NASP: variants seen among roughly 807,000 people sequenced by gnomAD.
NASP encodes NASP histone chaperone.
NASP carries 24 observed loss-of-function variants against 89.5 expected under a neutral mutation model. The observed-to-expected ratio is 0.27, with a 90% CI of 0.19 to 0.38. The LOEUF (loss-of-function observed/expected upper bound fraction) is 0.38, where lower values mean the gene tolerates loss of function less well. NASP is among the 10% of genes least tolerant of loss of function. The pLI is 1.00. For missense variants in NASP, 848 were observed against 921.4 expected (o/e 0.92, Z 1.03); for synonymous variants, 306 against 324.7 (o/e 0.94, Z 0.62).
At chr1:45,613,145 A>G (rs928533187) in intron 6 of NASP, 24 bp from the exon 7 acceptor site, 10 of 1,597,186 alleles carry the variant, frequency 6.3e-6, no homozygotes, top group Non-Finnish European at 8.5e-6. Context: ...TATATTCTCA[A>G]TACTGAGGAA....
At chr1:45,584,473 C>T (rs527714438) in intron 1 of NASP, among the ~76,000 whole-genome samples, 14 of 152,316 alleles carry the variant, frequency 9.2e-5, no homozygotes, top group African/African-American at 3.4e-4. Context: ...GTATCCTTCG[C>T]CTGCCCCTCT....
intron 11 of NASP, 95 bp downstream of exon 11, chr1:45,615,566 G>C (rs576884957): frequency 1.7e-6 from 2 of 1,169,594 alleles, no homozygotes; most frequent in South Asian, 1.5e-5. Flanking sequence ...TTGGTTTCCA[G>C]GGAGTTGGTG....
At chr1:45,600,870 T>G (rs1310676489) in intron 2 of NASP, among the ~76,000 whole-genome samples, 3 of 152,254 alleles carry the variant, frequency 2.0e-5, no homozygotes, top group Non-Finnish European at 4.4e-5. Context: ...TTTTAAAATT[T>G]TAGCTATTAT....
At position 45,602,242 on chromosome 1, in the gene NASP, CT is replaced by C. The variant is rs759616415; in HGVS notation, c.108-5del. The C allele has an allele frequency of 1.7e-5, 27 of 1,603,078 alleles. No individual in the cohort carries two copies. Among genetic ancestry groups the C allele is most frequent in the Admixed American group, 7.0e-5 (4 of 57,324 alleles). ...AACAGTACTTGACACTAGAAAAAAT[CT>C]TTTTTTTGCAGTCTGGATGTGGATA... is the stretch of plus-strand genomic sequence containing the variant. On this transcript the variant is annotated splice_polypyrimidine_tract_variant and intron_variant, in intron 2 of 14. Coordinates refer to ENST00000350030, the MANE Select transcript of NASP (RefSeq NM_002482.4).
At position 45,608,250 on chromosome 1, in the gene NASP, G is replaced by A; in HGVS notation, c.1339G>A (p.Ala447Thr). ...DGVDTKVAQG[A>T]TEKSPEDKVQ... ...GGTTGATACCAAGGTAGCCCAGGGA[G>A]CTACTGAGAAATCACCTGAAGACAA... The change falls in exon 6 of 15, where the codon GCT becomes ACT. Residue 447 changes from alanine (A) to threonine (T), a missense_variant. Physicochemically the swap from Ala to Thr is moderately conservative, Grantham distance 58. Coordinates refer to ENST00000350030, the MANE Select transcript of NASP (RefSeq NM_002482.4). 3 of 1,614,052 alleles carry A rather than the reference G, an allele frequency of 1.9e-6. No homozygotes were observed. In the South Asian group the frequency reaches 3.3e-5, roughly 18 times the overall value.
chr1:45,590,549 CAA>C (rs1036511604), intron 1 of NASP, among the ~76,000 whole-genome samples: 8 of 58,972 alleles, frequency 1.4e-4, no homozygotes, highest in Admixed American at 1.7e-4. Flanking sequence ...GACTCTGTCT[CAA>C]AAAAAAAAAA....
intron 6 of NASP, chr1:45,609,532 A>G (rs1643966807): frequency 6.6e-6 from 1 of 152,220 alleles, no homozygotes; most frequent in South Asian, 2.1e-4. Flanking sequence ...ACACAAAAAA[A>G]CAAAACTCCC....
At position 45,611,310 on chromosome 1, in the gene NASP, T is replaced by C. The variant is rs540571201; in HGVS notation, c.1427-1859T>C. 3.3e-5 allele frequency: 5 copies of C among 152,330 alleles called. No homozygotes were observed. In the East Asian group the frequency reaches 9.6e-4, roughly 29 times the overall value. 9.4% of individuals were successfully genotyped at this position (152,330 alleles called of 1,614,324 possible). ...AACCTCTAATTTGAAACAAAATATC[T>C]TAATTACTTGGAAGTTTTACATCAA... is the stretch of plus-strand genomic sequence containing the variant. On this transcript the variant is annotated intron_variant, in intron 6 of 14. Coordinates refer to ENST00000350030, the MANE Select transcript of NASP (RefSeq NM_002482.4).
chr1:45,602,456 A>G, intron 3 of NASP, 91 bp downstream of exon 3: 5 of 1,243,144 alleles, frequency 4.0e-6, no homozygotes, highest in Non-Finnish European at 5.6e-6. Context: ...AAGCATGAAG[A>G]GCAAGAGTTT....
intron 12 of NASP, 66 bp from the exon 13 acceptor site, chr1:45,616,560 T>C: frequency 6.4e-7 from 1 of 1,561,730 alleles, no homozygotes; most frequent in South Asian, 1.1e-5. Flanking sequence ...AACTAAAAAA[T>C]TATAAAAGCC....
intron 7 of NASP, 118 bp downstream of exon 7, chr1:45,613,366 A>C (rs1644049401): frequency 8.4e-6 from 10 of 1,188,986 alleles, no homozygotes; most frequent in Non-Finnish European, 1.0e-5. Context: ...GGCTCACTGC[A>C]GCCTAGACCC....
chr1:45,584,934 G>A (rs1257879233), intron 1 of NASP, among the ~76,000 whole-genome samples: 1 of 152,214 alleles, frequency 6.6e-6, no homozygotes, highest in Non-Finnish European at 1.5e-5. Context: ...GTGGTGGGGA[G>A]GATTGTCGTT....
At chr1:45,591,797 A>G (rs1032726734) in intron 2 of NASP, among the ~76,000 whole-genome samples, 1 of 152,142 alleles carries the variant, frequency 6.6e-6, no homozygotes, top group Non-Finnish European at 1.5e-5. Flanking sequence ...CAAAAGGTAG[A>G]TGGTAGGTTA....
chr1:45,603,143 G>A lies in NASP; in HGVS notation c.218+778G>A, dbSNP rs555788358. Among the ~76,000 whole-genome samples the A allele has an allele frequency of 7.9e-5, 12 of 152,288 alleles. 1 individual carries two copies. In the South Asian group the frequency reaches 8.3e-4, roughly 11 times the overall value. On this transcript the variant is annotated intron_variant, in intron 3 of 14. Transcript: ENST00000350030. ...ATAGACCTATATCCTGGAGGAAAAG[G>A]TTAGCTTTAGTGCCTTAAAGATCAT...
At chr1:45,603,615 T>TTTTA (rs1273605851) in intron 3 of NASP, among the ~76,000 whole-genome samples, 2 of 150,010 alleles carry the variant, frequency 1.3e-5, no homozygotes, top group African/African-American at 4.9e-5. Context: ...ATTTTTTTTT[T>TTTTA]TTTTTTTTTT....
chr1:45,612,340 T>C (rs2148368404), intron 6 of NASP: 1 of 152,308 alleles, frequency 6.6e-6, no homozygotes, highest in South Asian at 2.1e-4. Flanking sequence ...GTGTTAAAAA[T>C]GCATAATGAA....
chr1:45,608,088 G>A lies in NASP; in HGVS notation c.1177G>A (p.Glu393Lys). ...AGTTGTAGGAGATCAGACTCCTATT[G>A]AACCACAGACTTCTATAGAAAGACT... ...PSVVGDQTPIEPQTSIERLTE... is the reference protein window; with the variant it reads ...PSVVGDQTPIKPQTSIERLTE... Residue 393 changes from glutamate to lysine, a missense_variant, in exon 6 of 15, where the codon GAA becomes AAA. Coordinates refer to ENST00000350030, the MANE Select transcript of NASP (RefSeq NM_002482.4). The A allele has an allele frequency of 6.2e-7, 1 of 1,613,992 alleles. No individual in the cohort carries two copies. Among genetic ancestry groups the A allele is most frequent in the Non-Finnish European group, 8.5e-7 (1 of 1,179,906 alleles).
chr1:45,617,671 T>G (rs981823162), intron 14 of NASP, 80 bp downstream of exon 14: 1 of 1,449,392 alleles, frequency 6.9e-7, no homozygotes, highest in Non-Finnish European at 9.3e-7. Flanking sequence ...CTCAAGTGCA[T>G]GCTCCCCACC....
At position 45,590,241 on chromosome 1, in the gene NASP, C is replaced by T. The variant is rs560752913; in HGVS notation, c.60-982C>T. ...TCTATTTGTCTAGGCTTGTGCTAAG[C>T]AAGAATAGAAATAAATTTATCGGCC... On this transcript the variant is annotated intron_variant, in intron 1 of 14. Coordinates refer to ENST00000350030, the MANE Select transcript of NASP (RefSeq NM_002482.4). 3.6e-4 allele frequency among the ~76,000 whole-genome samples: 55 copies of T among 152,138 alleles called. 1 individual carries two copies. The highest frequency in any genetic ancestry group is 1.3e-3 in the African/African-American group (53 of 41,498).
Sources: allele counts gnomAD v4.1 joint callset (sites outside exome capture counted in the v4.1 genomes callset), GRCh38; gene constraint gnomAD v4.1.1; transcripts MANE v1.5; gene names NCBI Gene and HGNC (gene_info 2026-07-23, HGNC 2026-07-21).